IGFBP3: variants seen among roughly 807,000 people sequenced by gnomAD.
The protein encoded by IGFBP3 is insulin-like growth factor-binding protein 3.
A neutral mutation model predicts 28.6 loss-of-function variants in IGFBP3; 9 were observed. The observed-to-expected ratio is 0.31, with a 90% CI of 0.19 to 0.55. The LOEUF is 0.55. IGFBP3 is among the 20% of genes least tolerant of loss of function. IGFBP3 has a pLI of 0.93. For synonymous variants in IGFBP3, 185 were observed against 188.2 expected, an observed-to-expected ratio of 0.98 and a Z score of 0.14; for missense variants, 382 against 428.9, an observed-to-expected ratio of 0.89 and a Z score of 0.97.
At chr7:45,919,395 C>T (rs1260455181) in intron 1 of IGFBP3, among the ~76,000 whole-genome samples, 1 of 152,194 alleles carries the variant, frequency 6.6e-6, no homozygotes, top group Non-Finnish European at 1.5e-5. Context: ...CATAACTTTG[C>T]CCCGAGAGAC....
In IGFBP3 at chr7:45,921,210, G is replaced by C; in HGVS notation, c.-70C>G. 1 of 1,463,510 alleles carries C rather than the reference G, an allele frequency of 6.8e-7. No homozygotes were observed. Among genetic ancestry groups the C allele is most frequent in the South Asian group, 1.2e-5 (1 of 81,926 alleles). The allele number at this position is 1,463,510 out of a possible 1,614,324, so 90.7% of individuals were successfully genotyped here. A position where few individuals can be genotyped will look rare whatever the true frequency, so the allele number is the denominator to read the frequency against. ...GGGATGGGGCGACAGTACACGGCGC[G>C]AAGCTGTGGAATCCAGGCAGGAAGC... On this transcript the variant is annotated 5_prime_UTR_variant, in exon 1 of 5. Coordinates refer to ENST00000613132, the MANE Select transcript of IGFBP3 (RefSeq NM_000598.5).
chr7:45,916,430 C>A, intron 3 of IGFBP3, 118 bp downstream of exon 3: 1 of 991,036 alleles, frequency 1.0e-6, no homozygotes, highest in South Asian at 1.8e-5. Context: ...GTCCTGGGCA[C>A]TGGTGCTGCA....
intron 3 of IGFBP3, 27 bp downstream of exon 3, chr7:45,916,521 A>G: frequency 6.2e-7 from 1 of 1,602,126 alleles, no homozygotes; most frequent in East Asian, 2.2e-5. Context: ...CAGAAGAGGA[A>G]GAAAACACAC....
chr7:45,914,734 G>T lies in IGFBP3; in HGVS notation c.*15+71C>A, dbSNP rs550741185. On this transcript the variant is annotated intron_variant, in intron 4 of 4. Coordinates refer to ENST00000613132, the MANE Select transcript of IGFBP3 (RefSeq NM_000598.5). ...AGCCTGGGGAAGGGCCAGTGGCCACGCCCAGCCCCTGAGGCTGGTCCAAGG... is the reference window on the plus strand; with the variant it reads ...AGCCTGGGGAAGGGCCAGTGGCCACTCCCAGCCCCTGAGGCTGGTCCAAGG... 329 of 1,494,200 alleles carry T rather than the reference G, an allele frequency of 2.2e-4. 3 individuals are homozygous for T. The Admixed American group carries it at 4.1e-3, about 19-fold the overall frequency. 92.6% of individuals were successfully genotyped at this position (1,494,200 alleles called of 1,614,324 possible). A position where few individuals can be genotyped will look rare whatever the true frequency, so the allele number is the denominator to read the frequency against.
chr7:45,918,411 A>G (rs1435200933), intron 1 of IGFBP3, among the ~76,000 whole-genome samples: 1 of 152,254 alleles, frequency 6.6e-6, no homozygotes, highest in African/African-American at 2.4e-5. Flanking sequence ...AATTTTAAGT[A>G]TATGACTAAA....
At chr7:45,916,886 T>A in intron 2 of IGFBP3, 1 of 565,890 alleles carries the variant, frequency 1.8e-6, no homozygotes, top group East Asian at 2.9e-5. Flanking sequence ...GAAGCTGGTA[T>A]GGAACCAATA....
Position 45,920,843 on chromosome 7 carries a change from CG to C in IGFBP3, c.297del (p.Asp99GlufsTer74). On this transcript the variant is annotated frameshift_variant, in exon 1 of 5. Coordinates refer to ENST00000613132, the MANE Select transcript of IGFBP3 (RefSeq NM_000598.5). LOFTEE classifies it high-confidence loss of function. ...AGCAGCGCCTGCAGCGGTCGCGCCTCGTCGGGCGACGGCTGGCAGCGAAGGC... is the reference window on the plus strand; with the variant it reads ...AGCAGCGCCTGCAGCGGTCGCGCCTCTCGGGCGACGGCTGGCAGCGAAGGC... ...GSGLRCQPSP[D>X]EARPLQALLD... 7.1e-7 allele frequency: 1 copy of C among 1,411,026 alleles called. No individual in the cohort carries two copies. The highest frequency in any genetic ancestry group is 9.2e-7 in the Non-Finnish European group (1 of 1,090,574). The allele number at this position is 1,411,026 out of a possible 1,614,324, so 87.4% of individuals were successfully genotyped here. A position where few individuals can be genotyped will look rare whatever the true frequency, so the allele number is the denominator to read the frequency against.
Position 45,920,824 on chromosome 7 carries a change from G to A in IGFBP3, c.317C>T (p.Ala106Val). The A allele has an allele frequency of 7.1e-7, 1 of 1,407,276 alleles. No homozygotes were observed. Among genetic ancestry groups the A allele is most frequent in the Non-Finnish European group, 9.2e-7 (1 of 1,089,464 alleles). 87.2% of individuals were successfully genotyped at this position (1,407,276 alleles called of 1,614,324 possible). ...GCAGAGCCCGCGGCCGTCCAGCAGCGCCTGCAGCGGTCGCGCCTCGTCGGG... is the reference window on the plus strand; with the variant it reads ...GCAGAGCCCGCGGCCGTCCAGCAGCACCTGCAGCGGTCGCGCCTCGTCGGG... Reference protein sequence around the residue: ...PSPDEARPLQALLDGRGLCVN... With the variant: ...PSPDEARPLQVLLDGRGLCVN... The change falls in exon 1 of 5, where the codon GCG (alanine) becomes GTG (valine). Residue 106 changes from alanine (A) to valine (V), a missense_variant. Transcript: ENST00000613132.
rs373482379 is a variant in IGFBP3 at position 45,917,390 on chromosome 7, G to A, written c.453C>T (p.Ser151=). 3 of 1,613,786 alleles carry A rather than the reference G, an allele frequency of 1.9e-6. No homozygotes were observed. The highest frequency in any genetic ancestry group is 1.3e-5 in the African/African-American group (1 of 74,872). The change falls in exon 2 of 5, where the codon AGC becomes AGT. Residue 151 remains serine (S), a synonymous_variant. Coordinates refer to ENST00000613132, the MANE Select transcript of IGFBP3 (RefSeq NM_000598.5). ...CCCGGTGCGTGCTGGAGACGGACGG[G>A]CTCTCCACACTGCCGGCGCTGCGGT... ...EEDRSAGSVE[S]PSVSSTHRVS...
chr7:45,914,784 C>T, intron 4 of IGFBP3, 21 bp downstream of exon 4: 1 of 1,610,540 alleles, frequency 6.2e-7, no homozygotes, highest in African/African-American at 1.3e-5. Flanking sequence ...GAGCCCCAGG[C>T]TGCCCCTCCT....
intron 3 of IGFBP3, among the ~76,000 whole-genome samples, chr7:45,915,556 A>G (rs954782688): frequency 1.3e-5 from 2 of 152,228 alleles, no homozygotes; most frequent in African/African-American, 2.4e-5. Context: ...GTGCCATCAC[A>G]TAACACAAAG....
At chr7:45,919,517 C>T (rs189179209) in intron 1 of IGFBP3, among the ~76,000 whole-genome samples, 151 of 152,238 alleles carry the variant, frequency 9.9e-4, no homozygotes, top group Non-Finnish European at 2.0e-3. Context: ...CCTTGCCGAG[C>T]CAGAAAATAA....
At chr7:45,920,489 T>C (rs1754864878) in intron 1 of IGFBP3, 1 of 392,964 alleles carries the variant, frequency 2.5e-6, no homozygotes, top group African/African-American at 2.1e-5. Flanking sequence ...CTTTAACCCA[T>C]TTTCACTGAA....
Position 45,914,845 on chromosome 7 carries a change from T to G in IGFBP3, c.851A>C (p.His284Pro), listed in dbSNP as rs1039075610. The stretch of plus-strand genomic sequence containing the variant: ...CTACTTGCTCTGCATGCTGTAGCAG[T>G]GCACGTCCTCCTTCCCCTTGGTGGT... ...GYTTKGKEDVHCYSMQSK is the reference protein window; with the variant it reads ...GYTTKGKEDVPCYSMQSK Residue 284 changes from histidine (H) to proline (P), a missense_variant, in exon 4 of 5, where the codon CAC (histidine) becomes CCC (proline). Physicochemically the swap from His to Pro is moderately conservative, Grantham distance 77 (BLOSUM62 -2). Coordinates refer to ENST00000613132, the MANE Select transcript of IGFBP3 (RefSeq NM_000598.5). 5.6e-6 allele frequency: 9 copies of G among 1,614,032 alleles called. No homozygotes were observed. The highest frequency in any genetic ancestry group is 6.8e-6 in the Non-Finnish European group (8 of 1,180,006).
At chr7:45,919,095 T>A (rs1583672410) in intron 1 of IGFBP3, among the ~76,000 whole-genome samples, 1 of 152,242 alleles carries the variant, frequency 6.6e-6, no homozygotes, top group East Asian at 1.9e-4. Context: ...TGGTTTCTTC[T>A]TAATGCCTGG....
In IGFBP3 at chr7:45,921,203, A is replaced by T. The variant is rs970565304; in HGVS notation, c.-63T>A. 2.0e-6 allele frequency: 3 copies of T among 1,479,138 alleles called. No homozygotes were observed. The highest frequency in any genetic ancestry group is 2.7e-6 in the Non-Finnish European group (3 of 1,106,202). 91.6% of individuals were successfully genotyped at this position (1,479,138 alleles called of 1,614,324 possible). On this transcript the variant is annotated 5_prime_UTR_variant, in exon 1 of 5. Transcript: ENST00000613132. ...GCGCGCAGGGATGGGGCGACAGTAC[A>T]CGGCGCGAAGCTGTGGAATCCAGGC...
Position 45,921,064 on chromosome 7 carries a change from C to G in IGFBP3, c.77G>C (p.Arg26Pro). The G allele has an allele frequency of 6.9e-7, 1 of 1,451,758 alleles. No homozygotes were observed. The highest frequency in any genetic ancestry group is 9.0e-7 in the Non-Finnish European group (1 of 1,110,014). 89.9% of individuals were successfully genotyped at this position (1,451,758 alleles called of 1,614,324 possible). A position where few individuals can be genotyped will look rare whatever the true frequency, so the allele number is the denominator to read the frequency against. Residue 26 changes from arginine to proline, a missense_variant, in exon 1 of 5, where the codon CGG (arginine) becomes CCG (proline). By Grantham distance (103) the Arg-to-Pro change is moderately radical. Coordinates refer to ENST00000613132, the MANE Select transcript of IGFBP3 (RefSeq NM_000598.5). ...LVLLRGPPVA[R>P]AGASSAGLGP... ...CAAGCCCGCCGAGCTCGCGCCAGCC[C>G]GCGCCACCGGCGGCCCGCGGAGCAG...
intron 1 of IGFBP3, among the ~76,000 whole-genome samples, chr7:45,919,786 T>C (rs528885412): frequency 7.9e-5 from 12 of 152,304 alleles, no homozygotes; most frequent in East Asian, 3.9e-4. Flanking sequence ...CGCTCCTTTT[T>C]TTAAGGGAAC....
intron 1 of IGFBP3, 59 bp from the exon 2 acceptor site, chr7:45,917,498 T>A: frequency 1.4e-6 from 2 of 1,390,448 alleles, no homozygotes; most frequent in Non-Finnish European, 2.0e-6. Context: ...CACAGTCTTT[T>A]AAAAATCTTA....
Sources: gnomAD v4.1 joint callset for allele counts (sites outside exome capture counted in the v4.1 genomes callset) on GRCh38, gnomAD v4.1.1 for gene constraint, MANE v1.5 for transcripts, NCBI Gene and HGNC (gene_info 2026-07-23, HGNC 2026-07-21) for gene names.